The following ANK3 variants were observed in gnomAD, a reference collection of about 807,000 sequenced individuals.
The protein encoded by ANK3 is ankyrin-3.
In ANK3, 57 loss-of-function variants were observed where a neutral mutation model predicts 370.9. That is an observed-to-expected ratio of 0.15 (90% CI 0.12 to 0.19). The LOEUF (loss-of-function observed/expected upper bound fraction) is 0.19, where lower values mean the gene tolerates loss of function less well. Among genes scored for constraint, ANK3 ranks in the 10% least tolerant of loss-of-function variants. The pLI is 1.00. For synonymous variants in ANK3, 1,929 were observed against 1,946.3 expected (o/e 0.99, Z 0.23); for missense variants, 4,439 against 5,302.1 (o/e 0.84, Z 5.06).
exon 1 of ANK3, chr10:60,733,283 C>T (rs929480635): frequency 5.7e-6 from 7 of 1,237,964 alleles, no homozygotes; most frequent in African/African-American, 1.6e-5. Flanking sequence ...GCGGAGTCCT[C>T]GGTGCCCGCG....
chr10:60,146,841 A>G (rs968688896), intron 23 of ANK3, among the ~76,000 whole-genome samples: 4 of 152,204 alleles, frequency 2.6e-5, no homozygotes, highest in Admixed American at 6.5e-5. Context: ...TCCAAATGAC[A>G]TATTTGCTCA....
At chr10:60,221,548 CT>C (rs945420349) in intron 8 of ANK3, among the ~76,000 whole-genome samples, 3 of 152,140 alleles carry the variant, frequency 2.0e-5, no homozygotes, top group African/African-American at 7.2e-5. Flanking sequence ...AAGTCAAACC[CT>C]TTTCTTGTAT....
intron 1 of ANK3, among the ~76,000 whole-genome samples, chr10:60,654,908 A>G (rs1588978765): frequency 6.6e-6 from 1 of 152,204 alleles, no homozygotes; most frequent in Non-Finnish European, 1.5e-5. Flanking sequence ...GGTCAATGAC[A>G]AACCACATAT....
chr10:60,284,546 T>C (rs766747177), intron 1 of ANK3, among the ~76,000 whole-genome samples: 5 of 152,196 alleles, frequency 3.3e-5, no homozygotes, highest in African/African-American at 1.2e-4. Context: ...ATGTTTGGTC[T>C]ATTCCAAATG....
intron 7 of ANK3, among the ~76,000 whole-genome samples, chr10:60,254,815 C>T (rs1160807621): frequency 6.6e-6 from 1 of 152,120 alleles, no homozygotes; most frequent in Non-Finnish European, 1.5e-5. Context: ...TTTTGATAGG[C>T]TAGGGAGAGG....
rs118044329 is a variant in ANK3 at position 60,450,711 on chromosome 10, C to T, written c.96+164475G>A. ...AATCTGGAAAGATGGCTTAGGATCA[C>T]ATCATAATGAAAATGGAATCAGGAA... On this transcript the variant is annotated intron_variant, in intron 2 of 43. Transcript: ENST00000373827. 1.8e-3 allele frequency among the ~76,000 whole-genome samples: 280 copies of T among 152,200 alleles called. 13 individuals are homozygous for T. In the East Asian group the frequency reaches 0.048, roughly 26 times the overall value.
At chr10:60,584,969 C>G (rs561450979) in intron 2 of ANK3, among the ~76,000 whole-genome samples, 4 of 152,176 alleles carry the variant, frequency 2.6e-5, no homozygotes, top group Admixed American at 2.6e-4. Context: ...TCAGCCTCTT[C>G]CCATGTTGGC....
At chr10:60,334,972 T>C (rs1418027000) in intron 1 of ANK3, among the ~76,000 whole-genome samples, 1 of 152,124 alleles carries the variant, frequency 6.6e-6, no homozygotes, top group Non-Finnish European at 1.5e-5. Context: ...CTGTACTGGC[T>C]TTATACGACC....
intron 8 of ANK3, among the ~76,000 whole-genome samples, chr10:60,214,616 G>A (rs1327672750): frequency 6.6e-6 from 1 of 152,000 alleles, no homozygotes; most frequent in Non-Finnish European, 1.5e-5. Context: ...GAGGTATTTG[G>A]TTTTCTGTTC....
intron 1 of ANK3, among the ~76,000 whole-genome samples, chr10:60,289,101 AG>A (rs912592513): frequency 5.3e-5 from 8 of 152,126 alleles, no homozygotes; most frequent in Admixed American, 5.2e-4. Flanking sequence ...AAGAAGACCT[AG>A]GGGGGCTAGC....
chr10:60,226,705 TA>T (rs989005864), intron 8 of ANK3, among the ~76,000 whole-genome samples: 1 of 141,612 alleles, frequency 7.1e-6, no homozygotes, highest in African/African-American at 2.6e-5. Context: ...TATTATATAG[TA>T]TATATAATAC....
Position 60,064,221 on chromosome 10 carries a change from A to C in ANK3, c.12387T>G (p.Ser4129=). The change falls in exon 39 of 44, where the codon TCT becomes TCG. Residue 4129 remains serine, a synonymous_variant. Transcript: ENST00000280772. ...ATAACATGAAGCTCTGAGAAATTAA[A>C]GAATTTGGATTTTCCACACGTATTT... ...INQIRVENPN[S]LISQSFMLLK... The C allele has an allele frequency of 6.3e-7, 1 of 1,584,760 alleles. No individual in the cohort carries two copies. Among genetic ancestry groups the C allele is most frequent in the South Asian group, 1.2e-5 (1 of 84,312 alleles).
upstream of ANK3, among the ~76,000 whole-genome samples, chr10:60,394,498 C>G (rs750025289): frequency 1.3e-5 from 2 of 152,100 alleles, no homozygotes; most frequent in Admixed American, 1.3e-4. Context: ...AGCTTGACCT[C>G]AGTGCTGGAG....
At chr10:60,068,152 C>T (rs972821841) in intron 37 of ANK3, 143 bp from the exon 38 acceptor site, 22 of 653,234 alleles carry the variant, frequency 3.4e-5, no homozygotes, top group South Asian at 1.4e-4. Context: ...TACATGAACA[C>T]TTCTTTGCAC....
intron 2 of ANK3, among the ~76,000 whole-genome samples, chr10:60,442,253 G>A (rs1434533246): frequency 1.3e-5 from 2 of 151,680 alleles, no homozygotes; most frequent in African/African-American, 2.4e-5. Flanking sequence ...ACGCCACCAC[G>A]CCTGGCTAAT....
At chr10:60,252,933 C>T (rs1044630419) in intron 7 of ANK3, among the ~76,000 whole-genome samples, 1 of 152,170 alleles carries the variant, frequency 6.6e-6, no homozygotes, top group African/African-American at 2.4e-5. Flanking sequence ...GAGCCCTTGC[C>T]CATGTCTTGT....
intron 1 of ANK3, among the ~76,000 whole-genome samples, chr10:60,682,417 G>T (rs2079208372): frequency 6.7e-6 from 1 of 149,860 alleles, no homozygotes; most frequent in Non-Finnish European, 1.5e-5. Context: ...TTTTACATCA[G>T]TGTGGTGTTA....
At chr10:60,426,088 C>T (rs955847265) in intron 2 of ANK3, among the ~76,000 whole-genome samples, 1 of 152,028 alleles carries the variant, frequency 6.6e-6, no homozygotes, top group African/African-American at 2.4e-5. Context: ...AAGTGGTATA[C>T]AAATGTTTAC....
At chr10:60,484,357 A>G (rs1230762371) in intron 2 of ANK3, among the ~76,000 whole-genome samples, 1 of 152,166 alleles carries the variant, frequency 6.6e-6, no homozygotes, top group African/African-American at 2.4e-5. Context: ...GACTCTTCCA[A>G]TTGGGGAAAT....
Sources: gnomAD v4.1 joint callset for allele counts (sites outside exome capture counted in the v4.1 genomes callset) on GRCh38, gnomAD v4.1.1 for gene constraint, MANE v1.5 for transcripts, NCBI Gene and HGNC (gene_info 2026-07-23, HGNC 2026-07-21) for gene names.